PRPF6: variants seen among roughly 807,000 people sequenced by gnomAD.
PRPF6 encodes pre-mRNA-processing factor 6.
A neutral mutation model predicts 118.3 loss-of-function variants in PRPF6; 42 were observed. That is an observed-to-expected ratio of 0.35 (90% CI 0.28 to 0.46). The LOEUF (loss-of-function observed/expected upper bound fraction) is 0.46. Among genes scored for constraint, PRPF6 ranks in the 20% least tolerant of loss-of-function variants. The pLI, the probability that PRPF6 is intolerant of heterozygous loss-of-function variation, is 1.00. For missense variants in PRPF6, 662 were observed against 1,255.7 expected (o/e 0.53, Z 7.15); for synonymous variants, 481 against 485.1 (o/e 0.99, Z 0.11).
intron 9 of PRPF6, 122 bp downstream of exon 9, chr20:64,001,361 C>A: frequency 8.1e-7 from 1 of 1,232,632 alleles, no homozygotes; most frequent in Non-Finnish European, 1.2e-6. Flanking sequence ...TTTTTCAGGC[C>A]TTTTCTCAGG....
At chr20:64,025,123 G>A (rs2059282852) in intron 14 of PRPF6, among the ~76,000 whole-genome samples, 1 of 152,070 alleles carries the variant, frequency 6.6e-6, no homozygotes, top group African/African-American at 2.4e-5. Context: ...TTTTTAATAA[G>A]CTATAGAATG....
intron 20 of PRPF6, 51 bp from the exon 21 acceptor site, chr20:64,032,790 G>T (rs367660309): frequency 6.4e-7 from 1 of 1,564,480 alleles, no homozygotes. Flanking sequence ...GGCGAGGTCC[G>T]GGGAGTAGCG....
At position 63,981,168 on chromosome 20, in the gene PRPF6, G is replaced by A. The variant is rs189115287; in HGVS notation, c.-78G>A. On this transcript the variant is annotated 5_prime_UTR_variant, in exon 1 of 21. Transcript: ENST00000266079. ...TTTGCTACGGAGTGCATCGGACGTC[G>A]AAGCCTAGAGTCTCTGCGTCTTTCC... 3.0e-4 allele frequency: 436 copies of A among 1,467,824 alleles called. No individual in the cohort carries two copies. In the African/African-American group the frequency reaches 5.5e-3, roughly 18 times the overall value. The allele number at this position is 1,467,824 out of a possible 1,614,324, so 90.9% of individuals were successfully genotyped here. A position where few individuals can be genotyped will look rare whatever the true frequency, so the allele number is the denominator to read the frequency against.
chr20:64,000,948 T>C (rs1221583792), intron 8 of PRPF6, 129 bp from the exon 9 acceptor site: 2 of 931,202 alleles, frequency 2.1e-6, no homozygotes, highest in Non-Finnish European at 1.7e-6. Flanking sequence ...GCAGGTGTGT[T>C]AGAGGCTGAG....
In PRPF6 at chr20:64,032,900, G is replaced by C. The variant is rs1228908788; in HGVS notation, c.2733G>C (p.Leu911=). 1 of 1,613,218 alleles carries C rather than the reference G, an allele frequency of 6.2e-7. No homozygotes were observed. Among genetic ancestry groups the C allele is most frequent in the Non-Finnish European group, 8.5e-7 (1 of 1,180,042 alleles). ...CESAEPRHGE[L]WCAVSKDIAN... is the part of the protein sequence containing the mutation. ...GTGCAGAGCCTCGGCATGGGGAGCT[G>C]TGGTGCGCCGTGTCCAAGGACATCG... is the stretch of plus-strand genomic sequence containing the variant. The change falls in exon 21 of 21, where the codon CTG becomes CTC. Residue 911 remains leucine, a synonymous_variant. Coordinates refer to ENST00000266079, the MANE Select transcript of PRPF6 (RefSeq NM_012469.4).
intron 6 of PRPF6, among the ~76,000 whole-genome samples, chr20:63,997,480 G>A (rs1431341442): frequency 2.7e-5 from 4 of 145,692 alleles, no homozygotes; most frequent in East Asian, 2.0e-4. Context: ...TTTTTGAGAC[G>A]GAGCCTGGCA....
In PRPF6 at chr20:63,994,933, C is replaced by T; in HGVS notation, c.456C>T (p.Val152=). Reference sequence around the variant, plus strand: ...ATTTCCAGAGGAAGTTGGCAGAAGTCACAGAAGAAGAGTGGCTGAGCATCC... The same window carrying T: ...ATTTCCAGAGGAAGTTGGCAGAAGTTACAGAAGAAGAGTGGCTGAGCATCC... ...FSDLKRKLAE[V]TEEEWLSIPE... Residue 152 remains valine (V), a synonymous_variant, in exon 5 of 21, where the codon GTC becomes GTT. Coordinates refer to ENST00000266079, the MANE Select transcript of PRPF6 (RefSeq NM_012469.4). 1 of 1,614,128 alleles carries T rather than the reference C, an allele frequency of 6.2e-7. No homozygotes were observed. The highest frequency in any genetic ancestry group is 8.5e-7 in the Non-Finnish European group (1 of 1,180,044).
chr20:64,009,549 C>T (rs2059205984), intron 9 of PRPF6, among the ~76,000 whole-genome samples: 1 of 152,074 alleles, frequency 6.6e-6, no homozygotes, highest in Non-Finnish European at 1.5e-5. Flanking sequence ...ATGGTGAAAC[C>T]CCGTCCCTAC....
At chr20:63,990,811 A>G (rs1356214056) in intron 3 of PRPF6, among the ~76,000 whole-genome samples, 4 of 151,816 alleles carry the variant, frequency 2.6e-5, no homozygotes, top group African/African-American at 9.7e-5. Context: ...CGCCCGGCTG[A>G]TTTTTGTAGA....
In PRPF6 at chr20:63,999,597, T is replaced by C. The variant is rs200951432; in HGVS notation, c.867-6T>C. On this transcript the variant is annotated splice_region_variant and splice_polypyrimidine_tract_variant and intron_variant, in intron 7 of 20. Coordinates refer to ENST00000266079, the MANE Select transcript of PRPF6 (RefSeq NM_012469.4). ...CCTGATGCCGTGTGCACTCTCCCTC[T>C]CATAGTGATATCAAGAAGGCGCGAC... The C allele has an allele frequency of 9.2e-5, 149 of 1,613,980 alleles. 1 individual carries two copies. In the East Asian group the frequency reaches 3.3e-3, roughly 35 times the overall value.
intron 4 of PRPF6, among the ~76,000 whole-genome samples, chr20:63,994,687 C>T (rs2123004868): frequency 6.6e-6 from 1 of 152,276 alleles, no homozygotes; most frequent in African/African-American, 2.4e-5. Context: ...GGGAGGATCA[C>T]TTGAGCCTGG....
intron 9 of PRPF6, among the ~76,000 whole-genome samples, chr20:64,008,895 ACT>A (rs2123047210): frequency 6.6e-6 from 1 of 152,108 alleles, no homozygotes; most frequent in South Asian, 2.1e-4. Context: ...TGACCTTCAG[ACT>A]CTCTGATCAT....
intron 4 of PRPF6, among the ~76,000 whole-genome samples, chr20:63,994,108 A>G (rs1018235053): frequency 1.3e-5 from 2 of 149,940 alleles, no homozygotes; most frequent in African/African-American, 4.9e-5. Context: ...AATAATTTAC[A>G]TTTTAGTGAA....
chr20:63,988,969 G>A (rs1017847531), intron 3 of PRPF6, among the ~76,000 whole-genome samples: 1 of 152,052 alleles, frequency 6.6e-6, no homozygotes, highest in African/African-American at 2.4e-5. Flanking sequence ...GAACAAAACT[G>A]GGGGAACACT....
Position 64,026,952 on chromosome 20 carries a change from C to T in PRPF6, c.2029-30C>T, listed in dbSNP as rs758875577. On this transcript the variant is annotated intron_variant, in intron 15 of 20. Transcript: ENST00000266079. This position sits in a 1 kb window ranked among gnomAD's most constrained non-coding sequence, Gnocchi z 4.4. ...GAAGCACGTACCCTGGAGCTGATGCCCTGCGTGACAGTGCATGTCTGCCCC... is the reference window on the plus strand; with the variant it reads ...GAAGCACGTACCCTGGAGCTGATGCTCTGCGTGACAGTGCATGTCTGCCCC... The T allele has an allele frequency of 6.2e-7, 1 of 1,612,720 alleles. No individual in the cohort carries two copies. Among genetic ancestry groups the T allele is most frequent in the Non-Finnish European group, 8.5e-7 (1 of 1,179,282 alleles).
chr20:64,031,094 A>G (rs988662016), intron 19 of PRPF6, among the ~76,000 whole-genome samples: 5 of 152,184 alleles, frequency 3.3e-5, no homozygotes, highest in Non-Finnish European at 5.9e-5. Context: ...TCAGGTGTGC[A>G]TGTGTCTGGC....
chr20:64,015,343 G>A (rs1160294954), intron 11 of PRPF6, among the ~76,000 whole-genome samples: 1 of 152,162 alleles, frequency 6.6e-6, no homozygotes, highest in African/African-American at 2.4e-5. Context: ...CTTGCCCCAC[G>A]CATTCTTCTC....
At chr20:64,021,751 G>T (rs954077906) in intron 12 of PRPF6, among the ~76,000 whole-genome samples, 2 of 146,852 alleles carry the variant, frequency 1.4e-5, no homozygotes, top group East Asian at 2.1e-4. Context: ...GTGTGTGCAC[G>T]TATGCATATG....
At position 64,011,652 on chromosome 20, in the gene PRPF6, A is replaced by G; in HGVS notation, c.1524+149A>G. 1 of 903,400 alleles carries G rather than the reference A, an allele frequency of 1.1e-6. No homozygotes were observed. Among genetic ancestry groups the G allele is most frequent in the Non-Finnish European group, 1.7e-6 (1 of 575,970 alleles). 56.0% of individuals were successfully genotyped at this position (903,400 alleles called of 1,614,324 possible). On this transcript the variant is annotated intron_variant, in intron 11 of 20. Coordinates refer to ENST00000266079, the MANE Select transcript of PRPF6 (RefSeq NM_012469.4). The surrounding 1 kb of genome is among the most constrained non-coding windows in gnomAD (Gnocchi z 6.7). ...CACAGGTGTGAATGGGCCCTGAGGG[A>G]CCTGGGCATGCCCACTGTCGCTCTT... is the stretch of plus-strand genomic sequence containing the variant.
Sources: gnomAD v4.1 joint callset for allele counts (sites outside exome capture counted in the v4.1 genomes callset) on GRCh38, gnomAD v4.1.1 for gene constraint, Gnocchi (gnomAD v3.1) non-coding constraint, MANE v1.5 for transcripts, NCBI Gene and HGNC (gene_info 2026-07-23, HGNC 2026-07-21) for gene names.